Variants in HNF4A observed in about 807,000 individuals in gnomAD.
The protein encoded by HNF4A is hepatocyte nuclear factor 4 alpha.
In HNF4A, 15 loss-of-function variants were observed where a neutral mutation model predicts 52.4. The ratio of observed to expected loss-of-function variants is 0.29; its 90% CI spans 0.19 to 0.44. The LOEUF (loss-of-function observed/expected upper bound fraction) is 0.44. Among genes scored for constraint, HNF4A ranks in the 20% least tolerant of loss-of-function variants. HNF4A has a pLI of 1.00. For missense variants in HNF4A, 479 were observed against 647.2 expected (o/e 0.74, Z 2.82); for synonymous variants, 280 against 264.4 (o/e 1.06, Z -0.57).
At chr20:44,428,044 C>T (rs369715604) in intron 8 of HNF4A, among the ~76,000 whole-genome samples, 2 of 152,154 alleles carry the variant, frequency 1.3e-5, no homozygotes, top group Non-Finnish European at 2.9e-5. Context: ...ACTATGTGAC[C>T]AATACACTAC....
chr20:44,412,063 A>G (rs1296341448), intron 3 of HNF4A, among the ~76,000 whole-genome samples: 1 of 151,870 alleles, frequency 6.6e-6, no homozygotes, highest in Non-Finnish European at 1.5e-5. Context: ...TCTCGAAAAA[A>G]AAAAAGAAAA....
intron 1 of HNF4A, among the ~76,000 whole-genome samples, chr20:44,389,316 G>A (rs906089805): frequency 7.9e-5 from 12 of 152,176 alleles, no homozygotes; most frequent in Non-Finnish European, 1.5e-4. Flanking sequence ...CCACCAAAAC[G>A]CAAGCTCTGT....
At chr20:44,393,287 A>C (rs1468916091) in intron 1 of HNF4A, among the ~76,000 whole-genome samples, 1 of 152,212 alleles carries the variant, frequency 6.6e-6, no homozygotes, top group Non-Finnish European at 1.5e-5. Context: ...AGATGTCATA[A>C]GCCACCTGGC....
rs111238037 is a variant in HNF4A at position 44,378,581 on chromosome 20, C to T, written c.49+22728C>T. ...CCACGCCCAGCCGACCATTTTTAAA[C>T]GTACAGTTCAGAGACATTAAATATA... On this transcript the variant is annotated intron_variant, in intron 1 of 9. Coordinates refer to the HNF4A transcript ENST00000316673. 4.5e-3 allele frequency among the ~76,000 whole-genome samples: 684 copies of T among 152,056 alleles called. 11 individuals are homozygous for T. The highest frequency in any genetic ancestry group is 0.015 in the African/African-American group (621 of 41,498).
chr20:44,407,405 C>T lies in HNF4A; in HGVS notation c.315C>T (p.Asp105=). The change falls in exon 3 of 10, where the codon GAC becomes GAT. Residue 105 remains aspartate, a synonymous_variant. Transcript: ENST00000316099. ...GATTTAGCCGGCAGTGCGTGGTGGACAAAGACAAGAGGAACCAGTGCCGCT... is the reference window on the plus strand; with the variant it reads ...GATTTAGCCGGCAGTGCGTGGTGGATAAAGACAAGAGGAACCAGTGCCGCT... The T allele has an allele frequency of 6.2e-7, 1 of 1,611,284 alleles. No homozygotes were observed. The highest frequency in any genetic ancestry group is 8.5e-7 in the Non-Finnish European group (1 of 1,178,680).
chr20:44,385,236 G>T (rs2063208893), intron 1 of HNF4A, among the ~76,000 whole-genome samples: 1 of 151,658 alleles, frequency 6.6e-6, no homozygotes, highest in South Asian at 2.1e-4. Flanking sequence ...CCTCACACAG[G>T]GTTTGGTGAT....
intron 1 of HNF4A, among the ~76,000 whole-genome samples, chr20:44,367,095 G>A (rs1249202696): frequency 6.6e-6 from 1 of 152,026 alleles, no homozygotes; most frequent in Non-Finnish European, 1.5e-5. Context: ...CAACACTTTT[G>A]GAGGCCAAGG....
Position 44,421,843 on chromosome 20 carries a change from C to T in HNF4A, c.892+1967C>T, listed in dbSNP as rs11908023. On this transcript the variant is annotated intron_variant, in intron 7 of 9. Transcript: ENST00000316099. ...ATATATAGTATATAGTGATATATTA[C>T]GTATAATATATATTATATATAGTGA... Among the ~76,000 whole-genome samples, 578 of 141,866 alleles carry T rather than the reference C, an allele frequency of 4.1e-3. 1 individual carries two copies. The highest frequency in any genetic ancestry group is 0.013 in the African/African-American group (514 of 38,762). The allele number at this position is 141,866 out of a possible 152,430, so 93.1% of individuals were successfully genotyped here. A position where few individuals can be genotyped will look rare whatever the true frequency, so the allele number is the denominator to read the frequency against.
At chr20:44,406,360 G>A (rs1472958174) in intron 2 of HNF4A, 128 bp downstream of exon 2, 4 of 788,364 alleles carry the variant, frequency 5.1e-6, no homozygotes, top group Non-Finnish European at 8.4e-6. Context: ...GGCTCTTCTG[G>A]TTTTGTAAAA....
chr20:44,372,750 C>T (rs2063046517), intron 1 of HNF4A: 1 of 152,024 alleles, frequency 6.6e-6, no homozygotes, highest in African/African-American at 2.4e-5. Flanking sequence ...ACAGGTCCAT[C>T]TACAGTGAAA....
At chr20:44,405,946 C>A in intron 1 of HNF4A, 112 bp from the exon 2 acceptor site, 1 of 1,016,816 alleles carries the variant, frequency 9.8e-7, no homozygotes, top group Non-Finnish European at 1.5e-6. Context: ...GGAGTGGGAA[C>A]AGCCCCCAGA....
At chr20:44,378,595 A>T (rs543430414) in intron 1 of HNF4A, among the ~76,000 whole-genome samples, 5 of 152,144 alleles carry the variant, frequency 3.3e-5, no homozygotes, top group Non-Finnish European at 4.4e-5. Flanking sequence ...CAGTTCAGAG[A>T]CATTAAATAT....
At chr20:44,385,231 C>T (rs996879717) in intron 1 of HNF4A, among the ~76,000 whole-genome samples, 4 of 151,654 alleles carry the variant, frequency 2.6e-5, no homozygotes, top group African/African-American at 9.7e-5. Flanking sequence ...GGGAGCCTCA[C>T]ACAGGGTTTG....
intron 7 of HNF4A, among the ~76,000 whole-genome samples, chr20:44,423,240 C>CA (rs1336436912): frequency 2.0e-5 from 3 of 152,106 alleles, no homozygotes; most frequent in Non-Finnish European, 2.9e-5. Context: ...CGCTTGAACC[C>CA]AGGAGGCAGA....
intron 1 of HNF4A, among the ~76,000 whole-genome samples, chr20:44,358,364 C>G (rs558393621): frequency 6.6e-6 from 1 of 152,054 alleles, no homozygotes; most frequent in African/African-American, 2.4e-5. Flanking sequence ...AATCCCAGCA[C>G]TTTGGGAGGC....
rs186886973 is a variant in HNF4A at position 44,394,411 on chromosome 20, A to G, written c.50-11647A>G. ...AACCCTCAAATAAAATATTAAGACTACATGTAAAAGGGAGTCGCTGGTTGA... is the reference window on the plus strand; with the variant it reads ...AACCCTCAAATAAAATATTAAGACTGCATGTAAAAGGGAGTCGCTGGTTGA... On this transcript the variant is annotated intron_variant, in intron 1 of 9. Coordinates refer to the HNF4A transcript ENST00000316673. Among the ~76,000 whole-genome samples the G allele has an allele frequency of 1.7e-3, 260 of 152,164 alleles. 1 individual carries two copies. The highest frequency in any genetic ancestry group is 6.0e-3 in the African/African-American group (247 of 41,512).
intron 1 of HNF4A, among the ~76,000 whole-genome samples, chr20:44,367,874 C>T (rs1015074688): frequency 4.6e-5 from 7 of 151,666 alleles, no homozygotes; most frequent in Non-Finnish European, 7.4e-5. Flanking sequence ...CTCAGAGAGA[C>T]TAAATAGCTT....
intron 1 of HNF4A, among the ~76,000 whole-genome samples, chr20:44,362,658 C>T (rs1412405362): frequency 6.6e-6 from 1 of 152,082 alleles, no homozygotes; most frequent in Admixed American, 6.6e-5. Context: ...ATTTTATAAA[C>T]AAAGAAATTG....
chr20:44,420,128 T>G (rs540376102), intron 7 of HNF4A, among the ~76,000 whole-genome samples: 35 of 151,956 alleles, frequency 2.3e-4, no homozygotes, highest in African/African-American at 8.4e-4. Flanking sequence ...GGTCAGGGGT[T>G]CAAGATGAGC....
Sources: gnomAD v4.1 joint callset for allele counts (sites outside exome capture counted in the v4.1 genomes callset) on GRCh38, gnomAD v4.1.1 for gene constraint, MANE v1.5 for transcripts, NCBI Gene and HGNC (gene_info 2026-07-23, HGNC 2026-07-21) for gene names.